Variants in E2F5 observed in about 807,000 individuals in gnomAD.
The protein encoded by E2F5 is transcription factor E2F5.
In E2F5, 23 loss-of-function variants were observed where a neutral mutation model predicts 39.1. The ratio of observed to expected loss-of-function variants is 0.59; its 90% CI spans 0.42 to 0.83. The LOEUF (loss-of-function observed/expected upper bound fraction) is 0.83. E2F5 is among the 40% of genes least tolerant of loss of function. The pLI, the probability that E2F5 is intolerant of heterozygous loss-of-function variation, is 0.00. For missense variants in E2F5, 365 were observed against 406.7 expected, an observed-to-expected ratio of 0.90 and a Z score of 0.88; for synonymous variants, 145 against 157.8, an observed-to-expected ratio of 0.92 and a Z score of 0.61.
At chr8:85,198,792 A>G (rs1046192545) in intron 1 of E2F5, among the ~76,000 whole-genome samples, 2 of 152,130 alleles carry the variant, frequency 1.3e-5, no homozygotes, top group African/African-American at 2.4e-5. Flanking sequence ...TAAACTGTCT[A>G]TTCGCTGAAG....
At chr8:85,211,013 T>C (rs1480950200) in intron 6 of E2F5, among the ~76,000 whole-genome samples, 4 of 152,092 alleles carry the variant, frequency 2.6e-5, no homozygotes, top group Non-Finnish European at 5.9e-5. Flanking sequence ...GGAAAGATGC[T>C]TTTGGCCCTG....
intron 1 of E2F5, among the ~76,000 whole-genome samples, chr8:85,185,889 GA>G: frequency 6.6e-6 from 1 of 152,330 alleles, no homozygotes; most frequent in African/African-American, 2.4e-5. Flanking sequence ...GGAGAATTAG[GA>G]ATGCTTTTAT....
chr8:85,191,692 A>T lies in E2F5; in HGVS notation c.235-10455A>T, dbSNP rs923565571. ...GACTCTCCTTAATCTGAAGTGACTG[A>T]AGTAGGTTCCTGCTTATTCTCAGCA... On this transcript the variant is annotated intron_variant, in intron 1 of 7. Coordinates refer to ENST00000416274, the MANE Select transcript of E2F5 (RefSeq NM_001951.4). Among the ~76,000 whole-genome samples the T allele has an allele frequency of 8.5e-5, 13 of 152,336 alleles. No individual in the cohort carries two copies. The East Asian group carries it at 2.3e-3, about 27-fold the overall frequency.
chr8:85,188,316 CTT>C (rs74366212), intron 1 of E2F5, among the ~76,000 whole-genome samples: 76,057 of 114,636 alleles, frequency 0.66, 24,724 homozygotes, highest in African/African-American at 0.76. Context: ...CCTTAGCATC[CTT>C]TTTTTTTTTT....
chr8:85,206,335 T>A, intron 4 of E2F5, 115 bp downstream of exon 4: 1 of 1,017,652 alleles, frequency 9.8e-7, no homozygotes, highest in Non-Finnish European at 1.5e-6. Context: ...GTGGGCATTG[T>A]GTCTCACTCC....
At position 85,209,281 on chromosome 8, in the gene E2F5, C is replaced by T; in HGVS notation, c.755C>T (p.Pro252Leu). The T allele has an allele frequency of 6.2e-7, 1 of 1,613,982 alleles. No individual in the cohort carries two copies. Among genetic ancestry groups the T allele is most frequent in the Non-Finnish European group, 8.5e-7 (1 of 1,179,896 alleles). ...PVPPPDDLTQ[P>L]SSQSLTPVTP... ...CCCCCACCTGATGACCTCACACAGC[C>T]TTCCTCCCAGTCCTTGACTCCAGTG... is the stretch of plus-strand genomic sequence containing the variant. Residue 252 changes from proline (P) to leucine (L), a missense_variant, in exon 6 of 8, where the codon CCT becomes CTT. By Grantham distance (98) the Pro-to-Leu change is moderately conservative. Coordinates refer to ENST00000416274, the MANE Select transcript of E2F5 (RefSeq NM_001951.4).
intron 1 of E2F5, among the ~76,000 whole-genome samples, chr8:85,182,333 C>T (rs1812238169): frequency 6.6e-6 from 1 of 152,198 alleles, no homozygotes; most frequent in African/African-American, 2.4e-5. Context: ...CATTTCACAG[C>T]GTAAGAAACT....
chr8:85,212,163 C>A lies in E2F5; in HGVS notation c.890C>A (p.Ser297Tyr). ...ACTTTATTACTGTTTCCAGCAGGAT[C>A]TATTAGTGGAGATATCATTGATGAG... is the stretch of plus-strand genomic sequence containing the variant. ...TSATDISSAG[S>Y]ISGDIIDELM... The change falls in exon 7 of 8, where the codon TCT becomes TAT. Residue 297 changes from serine to tyrosine, a missense_variant. By Grantham distance (144) the Ser-to-Tyr change is moderately radical. Transcript: ENST00000416274. The A allele has an allele frequency of 6.2e-6, 10 of 1,609,460 alleles. No homozygotes were observed. The highest frequency in any genetic ancestry group is 8.5e-6 in the Non-Finnish European group (10 of 1,177,410).
intron 1 of E2F5, among the ~76,000 whole-genome samples, chr8:85,190,903 T>A (rs772494738): frequency 6.6e-6 from 1 of 151,918 alleles, no homozygotes; most frequent in Non-Finnish European, 1.5e-5. Context: ...ACCAAAGAGG[T>A]GGAAGCTTGA....
rs931191733 is a variant in E2F5 at position 85,214,412 on chromosome 8, C to T, written c.*550C>T. The T allele has an allele frequency of 4.6e-6, 3 of 650,002 alleles. No homozygotes were observed. The highest frequency in any genetic ancestry group is 3.7e-5 in the African/African-American group (2 of 54,062). 40.3% of individuals were successfully genotyped at this position (650,002 alleles called of 1,614,324 possible). A position where few individuals can be genotyped will look rare whatever the true frequency, so the allele number is the denominator to read the frequency against. ...CATTTTGTTGACTTCTGACATTCCA[C>T]TTTCCTAGGTTATAGGAAAGATCTG... is the stretch of plus-strand genomic sequence containing the variant. On this transcript the variant is annotated 3_prime_UTR_variant, in exon 8 of 8. Transcript: ENST00000416274.
At chr8:85,195,766 A>T (rs1812566638) in intron 1 of E2F5, among the ~76,000 whole-genome samples, 1 of 152,140 alleles carries the variant, frequency 6.6e-6, no homozygotes, top group African/African-American at 2.4e-5. Flanking sequence ...AAGTGCTAGG[A>T]TTACAGGCAT....
At chr8:85,191,247 A>G (rs953587900) in intron 1 of E2F5, among the ~76,000 whole-genome samples, 9 of 152,212 alleles carry the variant, frequency 5.9e-5, no homozygotes, top group African/African-American at 2.2e-4. Context: ...AAAATAGTCA[A>G]ATTCATAGAA....
intron 3 of E2F5, among the ~76,000 whole-genome samples, chr8:85,205,614 A>G (rs1812787895): frequency 6.6e-6 from 1 of 152,114 alleles, no homozygotes; most frequent in African/African-American, 2.4e-5. Flanking sequence ...GGAAACCCCA[A>G]TAAAAGCTCT....
chr8:85,209,235 A>T lies in E2F5; in HGVS notation c.709A>T (p.Lys237Ter). The T allele has an allele frequency of 6.2e-7, 1 of 1,613,994 alleles. No homozygotes were observed. The highest frequency in any genetic ancestry group is 8.5e-7 in the Non-Finnish European group (1 of 1,179,896). The stretch of plus-strand genomic sequence containing the variant: ...TATAAATAAAGAGTCGAGTTCATCT[A>T]AGCCCGTGGTTTTTCCTGTTCCCCC... The part of the protein sequence containing the change: ...LLINKESSSS[K>*]PVVFPVPPPD... The change falls in exon 6 of 8, where the codon AAG (lysine) becomes TAG (stop). Residue 237 changes from lysine to a stop codon, truncating the protein, a stop_gained. Transcript: ENST00000416274. LOFTEE classifies it high-confidence loss of function.
rs376793455 is a variant in E2F5 at position 85,210,124 on chromosome 8, C to CTGAA, written c.883+734_883+737dup. On this transcript the variant is annotated intron_variant, in intron 6 of 7. Transcript: ENST00000416274. ...ATGGTAGGCAATCTCTCAGTGACTA[C>CTGAA]TGAATGAATGAATGAATGAATGGTG... 5.9e-5 allele frequency among the ~76,000 whole-genome samples: 9 copies of CTGAA among 152,190 alleles called. No individual in the cohort carries two copies. In the South Asian group the frequency reaches 8.3e-4, roughly 14 times the overall value.
rs2129759764 is a variant in E2F5, at chr8:85,210,767, T to C, written c.883+1358T>C. ...AAGCTTTACATGGGTTTTACCTGGG[T>C]TAGCTTAGACATAATTAACACACTG... On this transcript the variant is annotated intron_variant, in intron 6 of 7. Coordinates refer to ENST00000416274, the MANE Select transcript of E2F5 (RefSeq NM_001951.4). 2.6e-5 allele frequency among the ~76,000 whole-genome samples: 4 copies of C among 152,042 alleles called. 1 individual carries two copies. The highest frequency in any genetic ancestry group is 2.6e-4 in the Admixed American group (4 of 15,270).
At chr8:85,202,640 G>A (rs574053618) in intron 2 of E2F5, among the ~76,000 whole-genome samples, 1 of 152,258 alleles carries the variant, frequency 6.6e-6, no homozygotes, top group Admixed American at 6.5e-5. Context: ...ATTGTGGCCT[G>A]GTTATACGTT....
intron 1 of E2F5, among the ~76,000 whole-genome samples, chr8:85,199,585 G>A (rs1352362405): frequency 6.6e-6 from 1 of 152,024 alleles, no homozygotes; most frequent in African/African-American, 2.4e-5. Flanking sequence ...GTATTATTCT[G>A]TTAGATATTA....
At chr8:85,201,196 T>C (rs1812691771) in intron 1 of E2F5, among the ~76,000 whole-genome samples, 1 of 152,174 alleles carries the variant, frequency 6.6e-6, no homozygotes, top group African/African-American at 2.4e-5. Context: ...TGATGCTCTC[T>C]GGGAGAGCTG....
Sources: allele counts gnomAD v4.1 joint callset (sites outside exome capture counted in the v4.1 genomes callset), GRCh38; gene constraint gnomAD v4.1.1; transcripts MANE v1.5; gene names NCBI Gene and HGNC (gene_info 2026-07-23, HGNC 2026-07-21).